Variants in RDX observed in about 807,000 individuals in gnomAD.
RDX encodes the protein deafness, autosomal recessive 24.
In RDX, 32 loss-of-function variants were observed where a neutral mutation model predicts 83.7. The ratio of observed to expected loss-of-function variants is 0.38; its 90% CI spans 0.29 to 0.51. The LOEUF is 0.51. Among genes scored for constraint, RDX ranks in the 20% least tolerant of loss-of-function variants. The probability of loss-of-function intolerance (pLI) is 0.87; values close to 1 mark genes in which losing one functional copy is unlikely to be tolerated. For missense variants in RDX, 600 were observed against 689.9 expected, an observed-to-expected ratio of 0.87 and a Z score of 1.46; for synonymous variants, 229 against 222.7, an observed-to-expected ratio of 1.03 and a Z score of -0.25.
At chr11:110,243,081 A>G (rs1865163725) in intron 10 of RDX, among the ~76,000 whole-genome samples, 1 of 152,172 alleles carries the variant, frequency 6.6e-6, no homozygotes, top group African/African-American at 2.4e-5. Context: ...CTGAACTCCA[A>G]ATTACTCCAA....
At chr11:110,215,370 AAATAAAT>A (rs1565295792) in intron 14 of RDX, among the ~76,000 whole-genome samples, 167 of 43,860 alleles carry the variant, frequency 3.8e-3, no homozygotes, top group Admixed American at 8.6e-3. Flanking sequence ...CTCAAAAAAT[AAATAAAT>A]AAATAAATAA....
At chr11:110,234,084 C>A (rs1864745790) in intron 12 of RDX, among the ~76,000 whole-genome samples, 1 of 152,076 alleles carries the variant, frequency 6.6e-6, no homozygotes, top group Admixed American at 6.6e-5. Context: ...ATGAACAATA[C>A]CCCCTTTTTC....
At chr11:110,256,198 G>A (rs1189016742) in intron 7 of RDX, among the ~76,000 whole-genome samples, 1 of 152,152 alleles carries the variant, frequency 6.6e-6, no homozygotes, top group Non-Finnish European at 1.5e-5. Flanking sequence ...CTGGCCAGAA[G>A]ACATCTTTTA....
chr11:110,246,895 C>T (rs1016484087), intron 10 of RDX, among the ~76,000 whole-genome samples: 7 of 152,194 alleles, frequency 4.6e-5, no homozygotes, highest in African/African-American at 7.2e-5. Context: ...TCCAACAGAA[C>T]TGAATAGCTT....
intron 5 of RDX, among the ~76,000 whole-genome samples, chr11:110,259,808 G>C (rs1859728045): frequency 6.6e-6 from 1 of 152,088 alleles, no homozygotes; most frequent in African/African-American, 2.4e-5. Flanking sequence ...AAAATTTGTA[G>C]AGTGAATAAA....
At chr11:110,259,175 T>C (rs1022032321) in intron 5 of RDX, among the ~76,000 whole-genome samples, 1 of 152,220 alleles carries the variant, frequency 6.6e-6, no homozygotes, top group African/African-American at 2.4e-5. Context: ...TGACCTCAAG[T>C]GATCCACCTG....
intron 5 of RDX, among the ~76,000 whole-genome samples, chr11:110,262,730 G>C (rs1160403418): frequency 6.6e-6 from 1 of 152,062 alleles, no homozygotes; most frequent in Non-Finnish European, 1.5e-5. Context: ...AAACTAGAAG[G>C]TAGCCAGAGA....
intron 14 of RDX, among the ~76,000 whole-genome samples, chr11:110,221,062 C>G (rs568211919): frequency 1.3e-5 from 2 of 152,046 alleles, no homozygotes; most frequent in Non-Finnish European, 2.9e-5. Context: ...GTGGCAGCGA[C>G]TGGCTAAAAC....
chr11:110,237,612 T>C lies in RDX; in HGVS notation c.1131A>G (p.Gln377=), dbSNP rs775921287. ...CTTCTTCTTTTGCTCGTTTTCGTTC[T>C]TGATCCAGTTCTAGAGCTTTTCGAG... ...EQTRKALELD[Q]ERKRAKEEAE... The change falls in exon 11 of 14, where the codon CAA becomes CAG. Residue 377 remains glutamine (Q), a synonymous_variant. Coordinates refer to ENST00000645495, the MANE Select transcript of RDX (RefSeq NM_002906.4). 1.2e-6 allele frequency: 2 copies of C among 1,614,240 alleles called. No homozygotes were observed. The highest frequency in any genetic ancestry group is 1.7e-6 in the Non-Finnish European group (2 of 1,180,048).
chr11:110,251,396 G>C (rs913567293), intron 9 of RDX, among the ~76,000 whole-genome samples: 1 of 151,916 alleles, frequency 6.6e-6, no homozygotes, highest in African/African-American at 2.4e-5. Flanking sequence ...ATTAAGTACC[G>C]GGTACTTTGC....
chr11:110,252,972 G>A (rs1191882201), intron 9 of RDX, among the ~76,000 whole-genome samples: 1 of 152,042 alleles, frequency 6.6e-6, no homozygotes, highest in Non-Finnish European at 1.5e-5. Flanking sequence ...AGTAATTACT[G>A]ACAAGCTTCA....
chr11:110,257,707 G>C, intron 7 of RDX, 60 bp downstream of exon 7: 1 of 1,557,428 alleles, frequency 6.4e-7, no homozygotes, highest in Admixed American at 1.7e-5. Context: ...CAGGACATAA[G>C]ATTAACGTCA....
chr11:110,198,328 T>C (rs888095942), intron 15 of RDX, among the ~76,000 whole-genome samples: 2 of 152,086 alleles, frequency 1.3e-5, no homozygotes, highest in African/African-American at 4.8e-5. Context: ...GGTAATCATA[T>C]TGAAAAATGA....
At chr11:110,279,178 A>C (rs1860649001) in intron 2 of RDX, among the ~76,000 whole-genome samples, 1 of 152,206 alleles carries the variant, frequency 6.6e-6, no homozygotes, top group Admixed American at 6.5e-5. Flanking sequence ...CCCTTGGGTA[A>C]CTAATTATAT....
chr11:110,190,360 C>T (rs1372691421), intron 15 of RDX, among the ~76,000 whole-genome samples: 1 of 152,102 alleles, frequency 6.6e-6, no homozygotes, highest in Non-Finnish European at 1.5e-5. Context: ...TTGCTTGAAC[C>T]CGGGAAGCAG....
At chr11:110,221,646 G>A (rs879315204) in intron 14 of RDX, among the ~76,000 whole-genome samples, 25 of 80,786 alleles carry the variant, frequency 3.1e-4, no homozygotes, top group Non-Finnish European at 4.2e-4. Context: ...ACACACACAC[G>A]AAGATCAAAG....
In RDX at chr11:110,230,578, GT is replaced by G. The variant is rs1864588207; in HGVS notation, c.*1290del. 2.5e-5 allele frequency: 2 copies of G among 80,966 alleles called. No homozygotes were observed. The highest frequency in any genetic ancestry group is 1.2e-4 in the Admixed American group (1 of 8,104). 5.0% of individuals were successfully genotyped at this position (80,966 alleles called of 1,614,324 possible). A position where few individuals can be genotyped will look rare whatever the true frequency, so the allele number is the denominator to read the frequency against. On this transcript the variant is annotated 3_prime_UTR_variant, in exon 14 of 14. Transcript: ENST00000645495. ...TTTCTCTCTCTCATACACACACAGA[GT>G]ACACACACACACACACACACACACA...
At chr11:110,184,689 G>A (rs903617691) in intron 15 of RDX, among the ~76,000 whole-genome samples, 9 of 152,164 alleles carry the variant, frequency 5.9e-5, no homozygotes, top group East Asian at 1.9e-4. Context: ...GGTGGGAGGC[G>A]GGGTGTGCAG....
intron 3 of RDX, among the ~76,000 whole-genome samples, chr11:110,272,185 T>G (rs562304856): frequency 7.3e-4 from 111 of 152,340 alleles, no homozygotes; most frequent in African/African-American, 2.6e-3. Flanking sequence ...TAATTCCCTA[T>G]GCCTTTCACT....
Sources: gnomAD v4.1 joint callset for allele counts (sites outside exome capture counted in the v4.1 genomes callset) on GRCh38, gnomAD v4.1.1 for gene constraint, MANE v1.5 for transcripts, NCBI Gene and HGNC (gene_info 2026-07-23, HGNC 2026-07-21) for gene names.